The following OSBPL10 variants were observed in gnomAD, a reference collection of about 807,000 sequenced individuals.
OSBPL10 encodes the protein oxysterol binding protein like 10, also known as oxysterol-binding protein-related protein 10.
Under a neutral mutation model 81.7 loss-of-function variants are expected in OSBPL10, and 49 were observed. That is an observed-to-expected ratio of 0.60 (90% CI 0.48 to 0.76). The LOEUF (loss-of-function observed/expected upper bound fraction) is 0.76. Ranked by LOEUF, OSBPL10 falls within the 30% of genes least tolerant of loss-of-function variation. OSBPL10 has a pLI of 0.00. For synonymous variants in OSBPL10, 419 were observed against 383.6 expected (o/e 1.09, Z -1.08); for missense variants, 923 against 987.8 (o/e 0.93, Z 0.88).
intron 6 of OSBPL10, among the ~76,000 whole-genome samples, chr3:31,705,863 TATGA>T (rs1277442225): frequency 2.0e-5 from 3 of 152,046 alleles, no homozygotes; most frequent in Non-Finnish European, 2.9e-5. Context: ...CTCTGAAAAA[TATGA>T]ATGTGAGAAA....
intron 2 of OSBPL10, among the ~76,000 whole-genome samples, chr3:32,028,532 G>C (rs1424816343): frequency 6.6e-6 from 1 of 151,956 alleles, no homozygotes; most frequent in Non-Finnish European, 1.5e-5. Context: ...CTGTGTTTTG[G>C]ATACATACAT....
At chr3:31,663,901 G>T in intron 11 of OSBPL10, 178 bp downstream of exon 11, 1 of 1,484,660 alleles carries the variant, frequency 6.7e-7, no homozygotes, top group Non-Finnish European at 8.9e-7. Context: ...GAATATTGTG[G>T]CAGAAAACCT....
chr3:31,832,075 G>A lies in OSBPL10; in HGVS notation c.538-1844C>T, dbSNP rs1261790248. On this transcript the variant is annotated intron_variant, in intron 3 of 11. Coordinates refer to ENST00000396556, the MANE Select transcript of OSBPL10 (RefSeq NM_017784.5). ...ATAATGAGAGAGGTCTCTATGAATT[G>A]ATCTGGAAATATCTCTCAGCTATAC... Among the ~76,000 whole-genome samples, 3 of 152,218 alleles carry A rather than the reference G, an allele frequency of 2.0e-5. No homozygotes were observed. The East Asian group carries it at 5.8e-4, about 29-fold the overall frequency.
chr3:31,926,852 G>A (rs1252786208), intron 1 of OSBPL10, among the ~76,000 whole-genome samples: 1 of 152,210 alleles, frequency 6.6e-6, no homozygotes, highest in East Asian at 1.9e-4. Context: ...GCTCATGCCT[G>A]TAATCCCAAC....
chr3:32,020,953 G>A (rs1360598198), intron 2 of OSBPL10, among the ~76,000 whole-genome samples: 2 of 152,152 alleles, frequency 1.3e-5, no homozygotes, highest in Admixed American at 1.3e-4. Flanking sequence ...CAGTAGAGTT[G>A]GTTTCTGCCA....
At chr3:31,800,133 A>G (rs1020606753) in intron 4 of OSBPL10, among the ~76,000 whole-genome samples, 4 of 152,238 alleles carry the variant, frequency 2.6e-5, no homozygotes, top group East Asian at 1.9e-4. Context: ...AACTTCTCAC[A>G]TTAACTTGAA....
rs1224172003 is a variant in OSBPL10 at position 32,002,382 on chromosome 3, A to G, written n.298+44109T>C. Among the ~76,000 whole-genome samples, 3 of 152,344 alleles carry G rather than the reference A, an allele frequency of 2.0e-5. No individual in the cohort carries two copies. In the Middle Eastern group the frequency reaches 0.01, roughly 518 times the overall value. On this transcript the variant is annotated intron_variant and non_coding_transcript_variant, in intron 2 of 3. Transcript: ENST00000479173. ...CAAACAAGGAAAAGAAAAGAATTAC[A>G]GTATGGGGCAAGGGGAGGAATGGAA...
chr3:31,769,785 A>C (rs1233652785), intron 4 of OSBPL10, among the ~76,000 whole-genome samples: 2 of 152,050 alleles, frequency 1.3e-5, no homozygotes, highest in South Asian at 4.1e-4. Context: ...ATTTGTCTAC[A>C]TAAGAAAACC....
At chr3:32,076,621 CA>C (rs1699880048) in intron 1 of OSBPL10, among the ~76,000 whole-genome samples, 1 of 152,070 alleles carries the variant, frequency 6.6e-6, no homozygotes, top group Non-Finnish European at 1.5e-5. Context: ...TTTATCAAGA[CA>C]GGGGAATTGC....
At chr3:32,050,490 G>C (rs1039086929) in intron 1 of OSBPL10, among the ~76,000 whole-genome samples, 1 of 151,926 alleles carries the variant, frequency 6.6e-6, no homozygotes, top group Admixed American at 6.6e-5. Flanking sequence ...TCTAAATCTT[G>C]AAAAAACTTC....
At chr3:31,911,951 T>G (rs1052007815) in intron 1 of OSBPL10, among the ~76,000 whole-genome samples, 4 of 152,112 alleles carry the variant, frequency 2.6e-5, no homozygotes, top group Non-Finnish European at 5.9e-5. Flanking sequence ...TAATCCTCCA[T>G]GCAGACAAGC....
intron 2 of OSBPL10, among the ~76,000 whole-genome samples, chr3:32,000,286 A>T (rs943514690): frequency 7.2e-5 from 11 of 152,164 alleles, no homozygotes; most frequent in African/African-American, 2.7e-4. Flanking sequence ...AAAGGAGAAA[A>T]ACTAAGATCA....
chr3:32,000,396 C>A (rs959127006), intron 2 of OSBPL10, among the ~76,000 whole-genome samples: 2 of 152,170 alleles, frequency 1.3e-5, no homozygotes, highest in Non-Finnish European at 2.9e-5. Flanking sequence ...TACTTCATAG[C>A]TATATGACCT....
chr3:31,899,607 A>C (rs978831736), intron 1 of OSBPL10, among the ~76,000 whole-genome samples: 1 of 152,206 alleles, frequency 6.6e-6, no homozygotes, highest in Non-Finnish European at 1.5e-5. Flanking sequence ...AGGTGAGAGA[A>C]CCACTGGAAC....
At chr3:31,687,590 C>T (rs1484494393) in intron 7 of OSBPL10, among the ~76,000 whole-genome samples, 1 of 152,114 alleles carries the variant, frequency 6.6e-6, no homozygotes, top group African/African-American at 2.4e-5. Flanking sequence ...GGTGAGGGCG[C>T]TATGCCTGGG....
intron 1 of OSBPL10, among the ~76,000 whole-genome samples, chr3:31,917,009 C>T (rs1482235267): frequency 6.6e-6 from 1 of 151,662 alleles, no homozygotes; most frequent in Non-Finnish European, 1.5e-5. Flanking sequence ...TCTCCAAAAG[C>T]ATTTCTTCTA....
intron 4 of OSBPL10, among the ~76,000 whole-genome samples, chr3:31,823,716 T>C (rs1160898984): frequency 6.6e-6 from 1 of 152,238 alleles, no homozygotes; most frequent in African/African-American, 2.4e-5. Context: ...TGACACATTT[T>C]ACCTTGTTTT....
intron 1 of OSBPL10, among the ~76,000 whole-genome samples, chr3:31,919,695 G>A (rs1412069453): frequency 2.0e-5 from 3 of 152,180 alleles, no homozygotes; most frequent in Admixed American, 2.0e-4. Flanking sequence ...GTCCAGGGAG[G>A]CAGTTCACAG....
At chr3:31,846,569 T>C (rs1390506651) in intron 3 of OSBPL10, among the ~76,000 whole-genome samples, 2 of 151,774 alleles carry the variant, frequency 1.3e-5, no homozygotes, top group African/African-American at 4.8e-5. Flanking sequence ...GAGGCGGAGG[T>C]TGCAGTGAGC....
Sources: allele counts gnomAD v4.1 joint callset (sites outside exome capture counted in the v4.1 genomes callset), GRCh38; gene constraint gnomAD v4.1.1; transcripts MANE v1.5; gene names NCBI Gene and HGNC (gene_info 2026-07-23, HGNC 2026-07-21).